PCDH9: variants seen among roughly 807,000 people sequenced by gnomAD.
The protein encoded by PCDH9 is protocadherin-9.
Under a neutral mutation model 70.6 loss-of-function variants are expected in PCDH9, and 24 were observed. That is an observed-to-expected ratio of 0.34 (90% CI 0.25 to 0.48). The LOEUF (loss-of-function observed/expected upper bound fraction) is 0.48. PCDH9 is among the 20% of genes least tolerant of loss of function. PCDH9 has a pLI of 0.99. For synonymous variants in PCDH9, 562 were observed against 558.5 expected (o/e 1.01, Z -0.09); for missense variants, 1,281 against 1,503.6 (o/e 0.85, Z 2.45).
At chr13:66,317,929 A>G (rs1030398764) in intron 4 of PCDH9, among the ~76,000 whole-genome samples, 1 of 152,192 alleles carries the variant, frequency 6.6e-6, no homozygotes, top group African/African-American at 2.4e-5. Context: ...TACATTGCTT[A>G]AATTCAGCTG....
At chr13:66,801,628 CA>C (rs1464558649) in intron 3 of PCDH9, among the ~76,000 whole-genome samples, 3 of 151,950 alleles carry the variant, frequency 2.0e-5, no homozygotes, top group Admixed American at 1.3e-4. Flanking sequence ...CAAAATCAAG[CA>C]GAACTCTACA....
At chr13:66,781,213 A>G (rs573699753) in intron 3 of PCDH9, among the ~76,000 whole-genome samples, 10 of 152,312 alleles carry the variant, frequency 6.6e-5, no homozygotes, top group South Asian at 2.1e-4. Context: ...ATTGAATTAA[A>G]ATTCACTAAC....
At chr13:66,542,697 T>TATATATAAAAACATATATGTTTAA (rs541903967) in intron 4 of PCDH9, among the ~76,000 whole-genome samples, 1 of 146,954 alleles carries the variant, frequency 6.8e-6, no homozygotes, top group East Asian at 2.0e-4. Context: ...TGTTTAAATA[T>TATATATAAAAACATATATGTTTAA]ATATATATAA....
chr13:66,977,033 T>G (rs1258399491), intron 2 of PCDH9, among the ~76,000 whole-genome samples: 2 of 152,136 alleles, frequency 1.3e-5, no homozygotes, highest in African/African-American at 4.8e-5. Flanking sequence ...TAGTCTGTCA[T>G]CTTTAAATGC....
chr13:66,860,958 C>T (rs552193974), intron 3 of PCDH9, among the ~76,000 whole-genome samples: 13 of 152,330 alleles, frequency 8.5e-5, no homozygotes, highest in Non-Finnish European at 1.3e-4. Context: ...AGCTGTGAAG[C>T]TGGTACTATG....
At chr13:66,717,436 A>G (rs2078879358) in intron 3 of PCDH9, among the ~76,000 whole-genome samples, 1 of 124,138 alleles carries the variant, frequency 8.1e-6, no homozygotes, top group Non-Finnish European at 1.6e-5. Flanking sequence ...TGGGTGACAG[A>G]GCAAGACTCT....
chr13:66,532,366 T>C (rs1335604454), intron 4 of PCDH9, among the ~76,000 whole-genome samples: 1 of 152,132 alleles, frequency 6.6e-6, no homozygotes, highest in East Asian at 1.9e-4. Flanking sequence ...TGAGTCAGCA[T>C]AGAATTTGTC....
chr13:66,521,669 T>C (rs1194985989), intron 4 of PCDH9, among the ~76,000 whole-genome samples: 1 of 152,130 alleles, frequency 6.6e-6, no homozygotes, highest in Non-Finnish European at 1.5e-5. Context: ...AGGCTTGGTT[T>C]AACAAAACAT....
chr13:66,806,761 G>C (rs187985379), intron 3 of PCDH9, among the ~76,000 whole-genome samples: 16 of 152,306 alleles, frequency 1.1e-4, no homozygotes, highest in Non-Finnish European at 2.2e-4. Context: ...AGTCAAGGAA[G>C]TACGGTGCTT....
chr13:67,183,789 A>AGGTTGC (rs1035711975), intron 2 of PCDH9, among the ~76,000 whole-genome samples: 14 of 152,286 alleles, frequency 9.2e-5, no homozygotes, highest in African/African-American at 3.1e-4. Context: ...TTTACGACTG[A>AGGTTGC]GGTTGCAATG....
chr13:67,029,862 A>C (rs181973454), intron 2 of PCDH9, among the ~76,000 whole-genome samples: 1 of 152,158 alleles, frequency 6.6e-6, no homozygotes, highest in Non-Finnish European at 1.5e-5. Flanking sequence ...TTTAATAAGT[A>C]TTTTTTGAAA....
At chr13:66,506,690 A>G (rs1179797392) in intron 4 of PCDH9, among the ~76,000 whole-genome samples, 4 of 152,200 alleles carry the variant, frequency 2.6e-5, no homozygotes, top group African/African-American at 7.2e-5. Context: ...ACACACTAAG[A>G]AAGCTTAATA....
chr13:66,697,442 AAACTTTAT>A (rs1273486272), intron 3 of PCDH9, among the ~76,000 whole-genome samples: 7 of 152,328 alleles, frequency 4.6e-5, no homozygotes, highest in Non-Finnish European at 8.8e-5. Context: ...ATTATTTATA[AAACTTTAT>A]AACGCCATAT....
chr13:66,783,645 A>C (rs1180554955), intron 3 of PCDH9, among the ~76,000 whole-genome samples: 2 of 152,166 alleles, frequency 1.3e-5, no homozygotes, highest in African/African-American at 4.8e-5. Flanking sequence ...AAAACACACA[A>C]AAAACAAACA....
intron 3 of PCDH9, among the ~76,000 whole-genome samples, chr13:66,886,522 TC>T (rs2082006988): frequency 6.6e-6 from 1 of 152,106 alleles, no homozygotes; most frequent in East Asian, 1.9e-4. Context: ...AAAGCTGCCA[TC>T]CACAGCTGAG....
chr13:66,875,821 T>A (rs2081796985), intron 3 of PCDH9, among the ~76,000 whole-genome samples: 1 of 152,186 alleles, frequency 6.6e-6, no homozygotes, highest in African/African-American at 2.4e-5. Context: ...AATGTATAGA[T>A]TATTAAAGTT....
chr13:66,841,279 G>A (rs898506249), intron 3 of PCDH9, among the ~76,000 whole-genome samples: 4 of 152,066 alleles, frequency 2.6e-5, no homozygotes, highest in Non-Finnish European at 5.9e-5. Context: ...AAGTCTTCTT[G>A]ACAAACATAT....
intron 3 of PCDH9, among the ~76,000 whole-genome samples, chr13:66,648,726 C>A (rs2077807660): frequency 6.6e-6 from 1 of 151,708 alleles, no homozygotes; most frequent in African/African-American, 2.4e-5. Context: ...CTAAAAAAAA[C>A]TAAAAAAGGC....
chr13:66,476,945 A>G (rs951785291), intron 4 of PCDH9, among the ~76,000 whole-genome samples: 1 of 152,084 alleles, frequency 6.6e-6, no homozygotes, highest in Non-Finnish European at 1.5e-5. Flanking sequence ...TAGGTGAATT[A>G]CCCTTATGGA....
Sources: allele counts gnomAD v4.1 joint callset (sites outside exome capture counted in the v4.1 genomes callset), GRCh38; gene constraint gnomAD v4.1.1; transcripts MANE v1.5; gene names NCBI Gene and HGNC (gene_info 2026-07-23, HGNC 2026-07-21).